The following CELF2 variants were observed in gnomAD, a reference collection of about 807,000 sequenced individuals.
The protein encoded by CELF2 is CUGBP Elav-like family member 2.
In CELF2, 8 loss-of-function variants were observed where a neutral mutation model predicts 62.6. The ratio of observed to expected loss-of-function variants is 0.13; its 90% CI spans 0.07 to 0.23. CELF2 has a LOEUF of 0.23. Among genes scored for constraint, CELF2 ranks in the 10% least tolerant of loss-of-function variants. CELF2 has a pLI of 1.00. For missense variants in CELF2, 333 were observed against 671.0 expected (o/e 0.50, Z 5.56); for synonymous variants, 258 against 250.0 (o/e 1.03, Z -0.30).
At chr10:11,154,740 G>A (rs181873014) in intron 1 of CELF2, among the ~76,000 whole-genome samples, 19 of 152,240 alleles carry the variant, frequency 1.2e-4, no homozygotes, top group Non-Finnish European at 1.9e-4. Context: ...GTTGTGATGC[G>A]CTGAAGAGAA....
In CELF2 at chr10:11,110,136, C is replaced by A. The variant is rs554743084; in HGVS notation, c.75-55350C>A. On this transcript the variant is annotated intron_variant, in intron 1 of 12. Transcript: ENST00000633077. The surrounding 1 kb of genome is among the most constrained non-coding windows in gnomAD (Gnocchi z 4.0). ...ATTAGTTGGGCATGGTGGCATGCTC[C>A]TGTAGTCCCAGCTACTTGGGGAGGG... Among the ~76,000 whole-genome samples, 1 of 152,262 alleles carries A rather than the reference C, an allele frequency of 6.6e-6. No individual in the cohort carries two copies. Among genetic ancestry groups the A allele is most frequent in the Admixed American group, 6.5e-5 (1 of 15,296 alleles).
chr10:11,004,476 AT>A (rs1481055036), upstream of CELF2, among the ~76,000 whole-genome samples: 9 of 151,548 alleles, frequency 5.9e-5, no homozygotes, highest in Admixed American at 1.3e-4. The surrounding 1 kb of genome is among the most constrained non-coding windows in gnomAD (Gnocchi z 5.0). Context: ...TCTGCGTAGA[AT>A]TTTTCTAATT....
At chr10:11,103,487 A>AGTTTTTTTTTTTTTTTT (rs2052422610) in intron 1 of CELF2, among the ~76,000 whole-genome samples, 1 of 119,754 alleles carries the variant, frequency 8.4e-6, no homozygotes, top group African/African-American at 3.5e-5. Context: ...TTGTAGCCTG[A>AGTTTTTTTTTTTTTTTT]TTTTTTTTTT....
At chr10:10,564,540 T>C in the CELF2 span, among the ~76,000 whole-genome samples, 2 of 151,986 alleles carry the variant, frequency 1.3e-5, no homozygotes, top group African/African-American at 2.4e-5. Flanking sequence ...GACAAAAGTG[T>C]TGATGACCAT....
chr10:10,817,405 A>C (rs1247404550), intron 1 of CELF2, among the ~76,000 whole-genome samples: 1 of 152,168 alleles, frequency 6.6e-6, no homozygotes, highest in African/African-American at 2.4e-5. Flanking sequence ...ACCAAATAGT[A>C]GGTCTTATTC....
intron 1 of CELF2, among the ~76,000 whole-genome samples, chr10:10,856,398 C>T (rs1259592498): frequency 6.6e-6 from 1 of 152,026 alleles, no homozygotes; most frequent in African/African-American, 2.4e-5. Context: ...TGAAGATCCT[C>T]AAATAAAACA....
chr10:11,281,781 A>G (rs2088904783), intron 8 of CELF2, among the ~76,000 whole-genome samples: 1 of 152,186 alleles, frequency 6.6e-6, no homozygotes, highest in Non-Finnish European at 1.5e-5. Flanking sequence ...AAATTGATTG[A>G]GAGAGCAAAA....
the CELF2 span, among the ~76,000 whole-genome samples, chr10:10,764,565 T>A: frequency 6.6e-6 from 1 of 152,218 alleles, no homozygotes; most frequent in African/African-American, 2.4e-5. Context: ...AGAGGATCAC[T>A]GTGTCTGGAA....
chr10:10,583,124 C>T, the CELF2 span, among the ~76,000 whole-genome samples: 1 of 152,112 alleles, frequency 6.6e-6, no homozygotes, highest in Non-Finnish European at 1.5e-5. Flanking sequence ...TATTCGAAGG[C>T]CTTGCAGTGC....
At chr10:11,055,102 C>G (rs563705805) in intron 1 of CELF2, among the ~76,000 whole-genome samples, 2 of 152,344 alleles carry the variant, frequency 1.3e-5, no homozygotes, top group South Asian at 4.1e-4. Flanking sequence ...TGCTCATAAC[C>G]TGTGTTTCAT....
At chr10:10,968,431 A>T (rs1314174391) in intron 2 of CELF2, among the ~76,000 whole-genome samples, 1 of 152,204 alleles carries the variant, frequency 6.6e-6, no homozygotes, top group Non-Finnish European at 1.5e-5. Flanking sequence ...ATTTTAAATT[A>T]TGTAAATAAT....
the CELF2 span, among the ~76,000 whole-genome samples, chr10:10,696,357 C>G: frequency 9.9e-3 from 1,469 of 148,892 alleles, 10 homozygotes; most frequent in South Asian, 0.032. Flanking sequence ...GCAGTCTGCC[C>G]GTTCTCAGAT....
chr10:10,828,534 A>G (rs562933865), intron 1 of CELF2, among the ~76,000 whole-genome samples: 1 of 152,270 alleles, frequency 6.6e-6, no homozygotes, highest in African/African-American at 2.4e-5. Flanking sequence ...GGAGCTGTTT[A>G]ATGGGGACAG....
chr10:10,651,217 C>T, the CELF2 span, among the ~76,000 whole-genome samples: 2 of 123,776 alleles, frequency 1.6e-5, no homozygotes, highest in Non-Finnish European at 1.8e-5. Flanking sequence ...CTCGGAGGGT[C>T]CTATGCCCAC....
chr10:10,516,283 C>A, the CELF2 span, among the ~76,000 whole-genome samples: 2 of 152,104 alleles, frequency 1.3e-5, no homozygotes, highest in African/African-American at 2.4e-5. Flanking sequence ...TCTGAGAAGT[C>A]TATTATTTAA....
At chr10:10,798,619 A>G, upstream of CELF2, 1 of 396,862 alleles carries the variant, frequency 2.5e-6, no homozygotes, top group Non-Finnish European at 4.4e-6. Flanking sequence ...GGGTGGAGAG[A>G]AGTCAGGAAA....
At chr10:11,187,055 TTTGA>T (rs1426824275) in intron 2 of CELF2, among the ~76,000 whole-genome samples, 3 of 152,264 alleles carry the variant, frequency 2.0e-5, no homozygotes, top group East Asian at 3.9e-4. Flanking sequence ...CAAAAGTGAG[TTTGA>T]TTGAGTTGTG....
intron 1 of CELF2, among the ~76,000 whole-genome samples, chr10:11,024,354 C>T (rs957423187): frequency 2.0e-5 from 3 of 152,158 alleles, no homozygotes; most frequent in Non-Finnish European, 2.9e-5. Flanking sequence ...CCTGTAATCC[C>T]AGCACTTTGG....
chr10:10,585,962 CTT>C, the CELF2 span, among the ~76,000 whole-genome samples: 102 of 152,260 alleles, frequency 6.7e-4, no homozygotes, highest in African/African-American at 2.4e-3. Flanking sequence ...AAAGCCAATG[CTT>C]AATACAACAC....
Sources: gnomAD v4.1 joint callset for allele counts (sites outside exome capture counted in the v4.1 genomes callset) on GRCh38, gnomAD v4.1.1 for gene constraint, Gnocchi (gnomAD v3.1) non-coding constraint, MANE v1.5 for transcripts, NCBI Gene and HGNC (gene_info 2026-07-23, HGNC 2026-07-21) for gene names.